OPCML: variants seen among roughly 807,000 people sequenced by gnomAD.
The protein encoded by OPCML is opioid binding protein/cell adhesion molecule like, also known as opioid-binding protein/cell adhesion molecule.
In OPCML, 13 loss-of-function variants were observed where a neutral mutation model predicts 37.8. The observed-to-expected ratio is 0.34, with a 90% confidence interval of 0.22 to 0.55. The LOEUF is 0.55. OPCML is among the 20% of genes least tolerant of loss of function. The pLI is 0.91. For synonymous variants in OPCML, 176 were observed against 168.8 expected, an observed-to-expected ratio of 1.04 and a Z score of -0.33; for missense variants, 341 against 435.6, an observed-to-expected ratio of 0.78 and a Z score of 1.93.
intron 1 of OPCML, among the ~76,000 whole-genome samples, chr11:133,472,223 C>A (rs1399822388): frequency 6.6e-6 from 1 of 152,240 alleles, no homozygotes; most frequent in Middle Eastern, 3.4e-3. Flanking sequence ...ATGCCAGAAG[C>A]CGGGCCAAGC....
chr11:133,098,527 A>C (rs1346407006), intron 1 of OPCML, among the ~76,000 whole-genome samples: 1 of 152,126 alleles, frequency 6.6e-6, no homozygotes, highest in African/African-American at 2.4e-5. Flanking sequence ...CTGGTTAAAC[A>C]TTCTAAAGAC....
At chr11:132,664,312 C>T (rs1942129473) in intron 2 of OPCML, among the ~76,000 whole-genome samples, 1 of 151,984 alleles carries the variant, frequency 6.6e-6, no homozygotes. Flanking sequence ...TGTCTCTCTT[C>T]CCATCCTTGA....
chr11:133,072,990 G>C (rs568471345), intron 1 of OPCML, among the ~76,000 whole-genome samples: 1 of 152,328 alleles, frequency 6.6e-6, no homozygotes, highest in South Asian at 2.1e-4. Flanking sequence ...GTGAAACCTG[G>C]AAGGAGGAAG....
At chr11:132,553,386 G>T (rs12278673) in intron 3 of OPCML, among the ~76,000 whole-genome samples, 1 of 151,872 alleles carries the variant, frequency 6.6e-6, no homozygotes, top group Non-Finnish European at 1.5e-5. Flanking sequence ...CTCCTAAGTC[G>T]GTGTGTACAA....
intron 1 of OPCML, among the ~76,000 whole-genome samples, chr11:133,498,149 A>T (rs1591568081): frequency 6.6e-6 from 1 of 152,152 alleles, no homozygotes; most frequent in East Asian, 1.9e-4. Flanking sequence ...GCTTCCCTTC[A>T]TTCCAACACC....
At chr11:133,519,451 T>C (rs1041636073) in intron 1 of OPCML, among the ~76,000 whole-genome samples, 1 of 152,230 alleles carries the variant, frequency 6.6e-6, no homozygotes, top group Non-Finnish European at 1.5e-5. Context: ...AGGGAAACTT[T>C]ACTGAAAAAT....
At chr11:133,164,326 C>T (rs569682554) in intron 1 of OPCML, among the ~76,000 whole-genome samples, 2 of 152,280 alleles carry the variant, frequency 1.3e-5, no homozygotes, top group Admixed American at 1.3e-4. Context: ...GCCTCTCTTG[C>T]GGGGTCAGTA....
intron 4 of OPCML, among the ~76,000 whole-genome samples, chr11:132,453,945 A>G (rs2096074905): frequency 6.6e-6 from 1 of 152,184 alleles, no homozygotes. Flanking sequence ...TGCAGAAGAC[A>G]ATTCTGCCCT....
chr11:133,284,883 A>G (rs866004548), intron 1 of OPCML, among the ~76,000 whole-genome samples: 2 of 152,266 alleles, frequency 1.3e-5, no homozygotes, highest in South Asian at 2.1e-4. Flanking sequence ...TGCCAGCCAC[A>G]TAGCAGGAAT....
At chr11:132,452,530 A>AGCCT (rs1240037957) in intron 4 of OPCML, among the ~76,000 whole-genome samples, 2 of 106,084 alleles carry the variant, frequency 1.9e-5, no homozygotes, top group South Asian at 3.4e-4. Context: ...TCCTTCTTTC[A>AGCCT]GCCTGCCTGC....
chr11:132,484,938 G>A (rs1014829419), intron 4 of OPCML, among the ~76,000 whole-genome samples: 10 of 152,182 alleles, frequency 6.6e-5, no homozygotes, highest in African/African-American at 2.4e-4. Flanking sequence ...GGAGGGCAGA[G>A]GGATAGCATT....
intron 1 of OPCML, chr11:133,301,829 A>T (rs923122118): frequency 3.9e-5 from 6 of 152,204 alleles, no homozygotes; most frequent in African/African-American, 1.2e-4. Context: ...AGGCATTAAA[A>T]AAAGTTAACA....
chr11:133,186,572 ACTCACCTC>A lies in OPCML; in HGVS notation c.62-243570_62-243563del, dbSNP rs1938085508. Among the ~76,000 whole-genome samples, 11 of 151,758 alleles carry A rather than the reference ACTCACCTC, an allele frequency of 7.2e-5. No individual in the cohort carries two copies. In the South Asian group the frequency reaches 2.3e-3, roughly 32 times the overall value. On this transcript the variant is annotated intron_variant, in intron 1 of 7. Transcript: ENST00000524381. ...GTAAGGGAGAAGGGCCTTGCTTTCC[ACTCACCTC>A]CTCGCTATTCTCAGCTCACTCCTGG...
intron 3 of OPCML, among the ~76,000 whole-genome samples, chr11:132,549,058 G>T (rs2096375509): frequency 6.6e-6 from 1 of 152,108 alleles, no homozygotes. Flanking sequence ...TTCCCAGGAG[G>T]TTAGGCATTC....
At chr11:133,003,616 T>C in intron 1 of OPCML, 1 of 983,678 alleles carries the variant, frequency 1.0e-6, no homozygotes, top group African/African-American at 1.7e-5. Flanking sequence ...GGAGAGTACT[T>C]TTCAGATGAC....
intron 3 of OPCML, among the ~76,000 whole-genome samples, chr11:132,604,226 G>A (rs1292317196): frequency 6.6e-6 from 1 of 152,048 alleles, no homozygotes; most frequent in African/African-American, 2.4e-5. Context: ...GGAGCTAGTT[G>A]AGGAGTCTTG....
chr11:133,001,819 T>C (rs1326416919), intron 1 of OPCML, among the ~76,000 whole-genome samples: 1 of 152,224 alleles, frequency 6.6e-6, no homozygotes, highest in Non-Finnish European at 1.5e-5. Context: ...CCCATGATAA[T>C]TGTGCAGCAA....
At chr11:133,307,299 G>A (rs1311130357) in intron 1 of OPCML, among the ~76,000 whole-genome samples, 1 of 152,096 alleles carries the variant, frequency 6.6e-6, no homozygotes, top group African/African-American at 2.4e-5. Context: ...AAGAATCTAT[G>A]TCTCAAGAAG....
At chr11:132,763,767 A>G (rs1946342970) in intron 2 of OPCML, among the ~76,000 whole-genome samples, 1 of 152,212 alleles carries the variant, frequency 6.6e-6, no homozygotes, top group Non-Finnish European at 1.5e-5. Flanking sequence ...GGCCCTGCCT[A>G]GCTAAGCACA....
Sources: gnomAD v4.1 joint callset for allele counts (sites outside exome capture counted in the v4.1 genomes callset) on GRCh38, gnomAD v4.1.1 for gene constraint, MANE v1.5 for transcripts, NCBI Gene and HGNC (gene_info 2026-07-23, HGNC 2026-07-21) for gene names.